FCSK: variants seen among roughly 807,000 people sequenced by gnomAD.
FCSK encodes the protein fucose kinase.
In FCSK, 123 loss-of-function variants were observed where a neutral mutation model predicts 122.5. That is an observed-to-expected ratio of 1.00 (90% CI 0.87 to 1.17). The LOEUF (loss-of-function observed/expected upper bound fraction) is 1.17. Among genes scored for constraint, FCSK ranks in the 50% most tolerant of loss-of-function variants. FCSK has a pLI of 0.00. For synonymous variants in FCSK, 620 were observed against 625.5 expected, an observed-to-expected ratio of 0.99 and a Z score of 0.13; for missense variants, 1,366 against 1,450.4, an observed-to-expected ratio of 0.94 and a Z score of 0.95.
rs1472418937 is a variant in FCSK at position 70,473,747 on chromosome 16, G to C, written c.1778-382G>C. 6.6e-6 allele frequency among the ~76,000 whole-genome samples: 1 copy of C among 152,206 alleles called. No homozygotes were observed. The highest frequency in any genetic ancestry group is 1.5e-5 in the Non-Finnish European group (1 of 68,042). ...ACACTTCCGGGGGCTCACAGCCTTA[G>C]CCTCCTAGGCTGAACCTCATGGAAG... On this transcript the variant is annotated intron_variant, in intron 15 of 23. Transcript: ENST00000288078. This position sits in a 1 kb window ranked among gnomAD's most constrained non-coding sequence, Gnocchi z 4.9.
Position 70,466,955 on chromosome 16 carries a change from G to A in FCSK, c.484+1G>A. On this transcript the variant is annotated splice_donor_variant, in intron 6 of 23. Coordinates refer to ENST00000288078, the MANE Select transcript of FCSK (RefSeq NM_145059.3). LOFTEE classifies it high-confidence loss of function. ...CTGCTGTCTGTTCCTGCAAATCCTG[G>A]TGAGCCTGAGACTACCTGGGACTGC... The A allele has an allele frequency of 6.2e-7, 1 of 1,613,630 alleles. No individual in the cohort carries two copies. The highest frequency in any genetic ancestry group is 8.5e-7 in the Non-Finnish European group (1 of 1,179,916).
Position 70,469,313 on chromosome 16 carries a change from C to A in FCSK, c.945C>A (p.Pro315=). ...TGTGGAGGGAGCTTCGCGATCAGCC[C>A]CTTACCATGGGTGGGTACTGCCTCT... ...AQLWRELRDQ[P]LTMAYVSSGS... The change falls in exon 10 of 24, where the codon CCC becomes CCA. Residue 315 remains proline (P), a synonymous_variant. Transcript: ENST00000288078. The A allele has an allele frequency of 6.3e-7, 1 of 1,598,350 alleles. No individual in the cohort carries two copies. The highest frequency in any genetic ancestry group is 2.2e-5 in the East Asian group (1 of 44,796).
intron 1 of FCSK, among the ~76,000 whole-genome samples, chr16:70,459,156 G>A (rs1402579987): frequency 6.6e-6 from 1 of 151,222 alleles, no homozygotes; most frequent in Non-Finnish European, 1.5e-5. Context: ...CTGGGAGGTC[G>A]AGGCTGCAGT....
In FCSK at chr16:70,466,263, G is replaced by T. The variant is rs1477202702; in HGVS notation, c.411+6G>T. 41 of 1,613,804 alleles carry T rather than the reference G, an allele frequency of 2.5e-5. No individual in the cohort carries two copies. The highest frequency in any genetic ancestry group is 4.5e-5 in the East Asian group (2 of 44,868). The stretch of plus-strand genomic sequence containing the variant: ...TGGACATCATGACCTATCGGGTGAG[G>T]CTGGGTGGTGGCCCGTGGTGCCTCG... On this transcript the variant is annotated splice_donor_region_variant and intron_variant, in intron 5 of 23. Coordinates refer to ENST00000288078, the MANE Select transcript of FCSK (RefSeq NM_145059.3).
rs776587078 is a variant in FCSK, at chr16:70,474,936, C to T, written c.2302C>T (p.Gln768Ter). Residue 768 changes from glutamine to a stop codon, truncating the protein, a stop_gained, in exon 18 of 24, where the codon CAG (glutamine) becomes TAG (stop). Coordinates refer to ENST00000288078, the MANE Select transcript of FCSK (RefSeq NM_145059.3). LOFTEE classifies it high-confidence loss of function. Reference protein sequence around the residue: ...PELWLAVGPRQDEMTVKIVCR... With the variant: ...PELWLAVGPR ...GCTGTGGCTGGCGGTGGGGCCTCGGCAGGATGAGATGACTGTGAAGATAGT... is the reference window on the plus strand; with the variant it reads ...GCTGTGGCTGGCGGTGGGGCCTCGGTAGGATGAGATGACTGTGAAGATAGT... 1.2e-6 allele frequency: 2 copies of T among 1,611,550 alleles called. No individual in the cohort carries two copies. The highest frequency in any genetic ancestry group is 1.7e-6 in the Non-Finnish European group (2 of 1,179,330).
Position 70,463,698 on chromosome 16 carries a change from G to C in FCSK, c.158G>C (p.Arg53Pro), listed in dbSNP as rs369355398. The change falls in exon 3 of 24, where the codon CGT becomes CCT. Residue 53 changes from arginine to proline, a missense_variant. Physicochemically the swap from Arg to Pro is moderately radical, Grantham distance 103. Coordinates refer to ENST00000288078, the MANE Select transcript of FCSK (RefSeq NM_145059.3). ...CTGGCCGTGGAGGACCCAGAGAAGCGTGTGGGCAGCGGAGGAGCCACCCTC... is the reference window on the plus strand; with the variant it reads ...CTGGCCGTGGAGGACCCAGAGAAGCCTGTGGGCAGCGGAGGAGCCACCCTC... ...LLLAVEDPEK[R>P]VGSGGATLNA... The C allele has an allele frequency of 6.2e-7, 1 of 1,613,048 alleles. No individual in the cohort carries two copies. Among genetic ancestry groups the C allele is most frequent in the Non-Finnish European group, 8.5e-7 (1 of 1,180,010 alleles).
chr16:70,470,250 G>T lies in FCSK; in HGVS notation c.956-64G>T, dbSNP rs2048567947. The T allele has an allele frequency of 2.1e-5, 24 of 1,120,356 alleles. 1 individual carries two copies. In the South Asian group the frequency reaches 3.2e-4, roughly 15 times the overall value. 69.4% of individuals were successfully genotyped at this position (1,120,356 alleles called of 1,614,324 possible). A position where few individuals can be genotyped will look rare whatever the true frequency, so the allele number is the denominator to read the frequency against. ...TGCCCCCATGTGTCTCTGCTGCTGG[G>T]AGGCAGCCTGGCCCCTGAGTCGCAG... On this transcript the variant is annotated intron_variant, in intron 10 of 23. Coordinates refer to ENST00000288078, the MANE Select transcript of FCSK (RefSeq NM_145059.3).
rs779717861 is a variant in FCSK at position 70,467,922 on chromosome 16, G to A, written c.619G>A (p.Ala207Thr). 6.2e-6 allele frequency: 10 copies of A among 1,614,076 alleles called. No individual in the cohort carries two copies. Among genetic ancestry groups the A allele is most frequent in the Non-Finnish European group, 8.5e-6 (10 of 1,180,030 alleles). ...GGACATTTACTACCAGGGCACTGAG[G>A]CAGAGATTCAGCGGTGTGTCAGGCC... ...VLDIYYQGTEAEIQRCVRPDG... is the reference protein window; with the variant it reads ...VLDIYYQGTETEIQRCVRPDG... The change falls in exon 8 of 24, where the codon GCA becomes ACA. Residue 207 changes from alanine (A) to threonine (T), a missense_variant. Transcript: ENST00000288078.
chr16:70,475,791 A>G, intron 20 of FCSK, 24 bp downstream of exon 20: 1 of 1,536,982 alleles, frequency 6.5e-7, no homozygotes. Context: ...CTGGAGTTGG[A>G]GGAGGTCACT....
chr16:70,469,105 C>CT, intron 9 of FCSK, 47 bp from the exon 10 acceptor site: 1 of 1,611,206 alleles, frequency 6.2e-7, no homozygotes, highest in Non-Finnish European at 8.5e-7. Context: ...AACTTGGGGG[C>CT]TGAACCCCTG....
chr16:70,479,975 C>G lies in FCSK; in HGVS notation c.*295C>G, dbSNP rs2048946952. ...CTGGCCTTCTCATTCCACAAGGGCC[C>G]TGGAAAGGGTTGACAGCCAGCCTTG... On this transcript the variant is annotated 3_prime_UTR_variant, in exon 24 of 24. Transcript: ENST00000288078. 3.6e-6 allele frequency: 1 copy of G among 277,964 alleles called. No individual in the cohort carries two copies. The highest frequency in any genetic ancestry group is 6.8e-6 in the Non-Finnish European group (1 of 146,142). The allele number at this position is 277,964 out of a possible 1,614,324, so 17.2% of individuals were successfully genotyped here. A position where few individuals can be genotyped will look rare whatever the true frequency, so the allele number is the denominator to read the frequency against.
At position 70,463,197 on chromosome 16, in the gene FCSK, C is replaced by T. The variant is rs2048320694; in HGVS notation, c.7C>T (p.Gln3Ter). 3 of 1,613,846 alleles carry T rather than the reference C, an allele frequency of 1.9e-6. No homozygotes were observed. The highest frequency in any genetic ancestry group is 1.7e-6 in the Non-Finnish European group (2 of 1,179,826). Residue 3 changes from glutamine to a stop codon, truncating the protein, a stop_gained, in exon 2 of 24, where the codon CAG becomes TAG. Transcript: ENST00000288078. LOFTEE classifies it high-confidence loss of function. ME[Q>*]PKGVDWTVII... is the part of the protein sequence containing the mutation. ...GCCCCTCCGCTTGGCCAGAATGGAG[C>T]AGCCGAAGGGAGTTGATTGGACAGT...
In FCSK at chr16:70,467,671, C is replaced by G. The variant is rs2048466472; in HGVS notation, c.582+200C>G. 1.1e-5 allele frequency: 7 copies of G among 634,474 alleles called. No individual in the cohort carries two copies. In the Admixed American group the frequency reaches 1.6e-4, roughly 15 times the overall value. 39.3% of individuals were successfully genotyped at this position (634,474 alleles called of 1,614,324 possible). A position where few individuals can be genotyped will look rare whatever the true frequency, so the allele number is the denominator to read the frequency against. On this transcript the variant is annotated intron_variant, in intron 7 of 23. Coordinates refer to ENST00000288078, the MANE Select transcript of FCSK (RefSeq NM_145059.3). ...ATTTCACACCGACCGCCTGTCCAGT[C>G]TCTGTGCCCAGGCTCAGGGCTGCAA... is the stretch of plus-strand genomic sequence containing the variant.
At chr16:70,463,010 G>A (rs536431286) in intron 1 of FCSK, among the ~76,000 whole-genome samples, 159 bp from the exon 2 acceptor site, 6 of 152,332 alleles carry the variant, frequency 3.9e-5, no homozygotes, top group South Asian at 2.1e-4. Context: ...GGGCGTAGGC[G>A]GGGAGGAGAG....
chr16:70,475,957 A>C, intron 20 of FCSK, 190 bp downstream of exon 20: 1 of 549,644 alleles, frequency 1.8e-6, no homozygotes, highest in South Asian at 3.7e-5. Flanking sequence ...TCTACCTCCC[A>C]ACGAGCCGTT....
At chr16:70,458,776 C>T (rs1597598795) in intron 1 of FCSK, among the ~76,000 whole-genome samples, 1 of 152,056 alleles carries the variant, frequency 6.6e-6, no homozygotes. Context: ...CTAAAATCAT[C>T]CCTCCCTTGT....
At chr16:70,475,264 G>A (rs1370868765) in intron 18 of FCSK, 86 bp from the exon 19 acceptor site, 11 of 1,494,418 alleles carry the variant, frequency 7.4e-6, no homozygotes, top group Middle Eastern at 1.7e-4. Flanking sequence ...GATGAGTCCC[G>A]CACTGGGCTG....
intron 1 of FCSK, among the ~76,000 whole-genome samples, chr16:70,455,374 A>T (rs2048058506): frequency 6.6e-6 from 1 of 151,772 alleles, no homozygotes; most frequent in South Asian, 2.1e-4. Context: ...AATCCCAGCT[A>T]CTTGGGAGGC....
rs2048905542 is a variant in FCSK at position 70,478,882 on chromosome 16, G to A, written c.2929+232G>A. The stretch of plus-strand genomic sequence containing the variant: ...TCCAGCCCTAACAGGAAGCAGAGAG[G>A]GGAAGGGACTCAACCCATGGCTGAG... On this transcript the variant is annotated intron_variant, in intron 22 of 23. Coordinates refer to ENST00000288078, the MANE Select transcript of FCSK (RefSeq NM_145059.3). 7.2e-6 allele frequency: 5 copies of A among 699,044 alleles called. No individual in the cohort carries two copies. In the Admixed American group the frequency reaches 1.0e-4, roughly 14 times the overall value. 43.3% of individuals were successfully genotyped at this position (699,044 alleles called of 1,614,324 possible).
Sources: allele counts gnomAD v4.1 joint callset (sites outside exome capture counted in the v4.1 genomes callset), GRCh38; gene constraint gnomAD v4.1.1; non-coding constraint Gnocchi (gnomAD v3.1); transcripts MANE v1.5; gene names NCBI Gene and HGNC (gene_info 2026-07-23, HGNC 2026-07-21).